The following OR8G1 variants were observed in gnomAD, a reference collection of about 807,000 sequenced individuals.
The protein encoded by OR8G1 is olfactory receptor family 8 subfamily G member 1.
For synonymous variants in OR8G1, 129 were observed against 133.3 expected, an observed-to-expected ratio of 0.97 and a Z score of 0.22; for missense variants, 372 against 356.2, an observed-to-expected ratio of 1.04 and a Z score of -0.36.
intron 1 of OR8G1, among the ~76,000 whole-genome samples, chr11:124,243,111 G>C (rs1861775644): frequency 6.6e-6 from 1 of 151,940 alleles, no homozygotes; most frequent in African/African-American, 2.4e-5. Context: ...AAAAAGTAGA[G>C]AAAAATGCTT....
In OR8G1 at chr11:124,250,333, T is replaced by G; in HGVS notation, c.658T>G (p.Phe220Val). Reference protein sequence around the residue: ...PSLTILCSYIFIIASILHIRS... With the variant: ...PSLTILCSYIVIIASILHIRS... ...CCTGACCATCCTTTGCTCTTACATC[T>G]TTATTATTGCCAGCATCCTCCACAT... Residue 220 changes from phenylalanine (F) to valine (V), a missense_variant, in exon 3 of 3, where the codon TTT (phenylalanine) becomes GTT (valine). Physicochemically the swap from Phe to Val is conservative, Grantham distance 50. Transcript: ENST00000641972. 6.2e-7 allele frequency: 1 copy of G among 1,613,816 alleles called. No individual in the cohort carries two copies. Among genetic ancestry groups the G allele is most frequent in the Non-Finnish European group, 8.5e-7 (1 of 1,179,808 alleles).
rs1861854569 is a variant in OR8G1, at chr11:124,250,238, C to T, written c.563C>T (p.Ser188Phe). 1.2e-6 allele frequency: 2 copies of T among 1,613,732 alleles called. No individual in the cohort carries two copies. Among genetic ancestry groups the T allele is most frequent in the Non-Finnish European group, 1.7e-6 (2 of 1,179,804 alleles). ...FCDLLPLLKL[S>F]CSSIYVNKLL... ...GATCTTCTTCCCCTCCTAAAGCTCT[C>T]TTGCTCTAGTATCTATGTCAACAAA... The change falls in exon 3 of 3, where the codon TCT (serine) becomes TTT (phenylalanine). Residue 188 changes from serine to phenylalanine, a missense_variant. Ser to Phe is a radical substitution (Grantham distance 155). Transcript: ENST00000641972.
At chr11:124,247,110 G>A (rs1427991813) in intron 1 of OR8G1, among the ~76,000 whole-genome samples, 4 of 151,486 alleles carry the variant, frequency 2.6e-5, no homozygotes, top group Non-Finnish European at 5.9e-5. Flanking sequence ...ACTTCAAGAG[G>A]TTAGGGAAAA....
At chr11:124,243,946 AAAAG>A (rs1386019274) in intron 1 of OR8G1, among the ~76,000 whole-genome samples, 3 of 146,472 alleles carry the variant, frequency 2.0e-5, no homozygotes, top group African/African-American at 5.5e-5. Flanking sequence ...AAAAAATAAC[AAAAG>A]AAAGAGCTAG....
Position 124,250,181 on chromosome 11 carries a change from G to A in OR8G1, c.506G>A (p.Cys169Tyr), listed in dbSNP as rs1461587493. The change falls in exon 3 of 3, where the codon TGC (cysteine) becomes TAC (tyrosine). Residue 169 changes from cysteine (C) to tyrosine (Y), a missense_variant. Physicochemically the swap from Cys to Tyr is radical, Grantham distance 194. Coordinates refer to ENST00000641972, the MANE Select transcript of OR8G1 (RefSeq NM_001002905.2). The stretch of plus-strand genomic sequence containing the variant: ...GGCTGTATGTTTAGGGTTCAATTCT[G>A]CAAATTTGATTTGATTAACCATTAT... The part of the protein sequence containing the change: ...HTGCMFRVQF[C>Y]KFDLINHYFC... The A allele has an allele frequency of 1.2e-6, 2 of 1,613,712 alleles. No individual in the cohort carries two copies. The highest frequency in any genetic ancestry group is 1.7e-6 in the Non-Finnish European group (2 of 1,179,804).
Position 124,250,540 on chromosome 11 carries a change from A to AC in OR8G1, c.865_866insC (p.Ile289ThrfsTer3). On this transcript the variant is annotated frameshift_variant, in exon 3 of 3. Coordinates refer to ENST00000641972, the MANE Select transcript of OR8G1 (RefSeq NM_001002905.2). LOFTEE classifies it low-confidence loss of function (END_TRUNC). ...TATTGTGCCCATGTTGAACCCTCTG[A>AC]TTTATAGCCTGAGGAATAAAGATGT... The AC allele has an allele frequency of 8.5e-7, 1 of 1,181,402 alleles. No homozygotes were observed. 73.2% of individuals were successfully genotyped at this position (1,181,402 alleles called of 1,614,324 possible). A position where few individuals can be genotyped will look rare whatever the true frequency, so the allele number is the denominator to read the frequency against.
chr11:124,245,464 G>A (rs1187277679), intron 1 of OR8G1, among the ~76,000 whole-genome samples: 27 of 144,752 alleles, frequency 1.9e-4, no homozygotes, highest in Non-Finnish European at 3.0e-4. Context: ...GAATAGTGCC[G>A]CAATAAACAT....
In OR8G1 at chr11:124,252,511, G is replaced by C. The variant is rs1454027918; in HGVS notation, c.*1900G>C. The C allele has an allele frequency of 6.6e-6, 1 of 151,884 alleles. No homozygotes were observed. Among genetic ancestry groups the C allele is most frequent in the Non-Finnish European group, 1.5e-5 (1 of 67,980 alleles). The allele number at this position is 151,884 out of a possible 1,614,324, so 9.4% of individuals were successfully genotyped here. A position where few individuals can be genotyped will look rare whatever the true frequency, so the allele number is the denominator to read the frequency against. ...GAAAAACTATCTCTTTTTCTTCTTA[G>C]CTTGCATTGCTTGTGGTAATTTTAT... On this transcript the variant is annotated 3_prime_UTR_variant, in exon 3 of 3. Transcript: ENST00000641972.
intron 1 of OR8G1, among the ~76,000 whole-genome samples, chr11:124,242,884 C>G (rs1861773614): frequency 6.6e-6 from 1 of 151,852 alleles, no homozygotes; most frequent in African/African-American, 2.4e-5. Context: ...CCACATTTTG[C>G]TGGTTGTCAT....
intron 2 of OR8G1, among the ~76,000 whole-genome samples, 156 bp downstream of exon 2, chr11:124,248,036 T>G (rs1219833094): frequency 3.3e-5 from 5 of 151,916 alleles, no homozygotes; most frequent in African/African-American, 9.7e-5. Context: ...ATTGTTGGAG[T>G]TGTTTCATTT....
intron 2 of OR8G1, among the ~76,000 whole-genome samples, chr11:124,249,141 T>C (rs1460954434): frequency 6.6e-6 from 1 of 152,138 alleles, no homozygotes; most frequent in African/African-American, 2.4e-5. Context: ...ACAATTATTG[T>C]TATAGAGATT....
At chr11:124,245,664 C>T (rs1861804341) in intron 1 of OR8G1, among the ~76,000 whole-genome samples, 1 of 141,966 alleles carries the variant, frequency 7.0e-6, no homozygotes, top group Non-Finnish European at 1.5e-5. Context: ...TCCACATCCT[C>T]TCCAGCACCT....
In OR8G1 at chr11:124,250,121, A is replaced by C; in HGVS notation, c.446A>C (p.Tyr149Ser). 1 of 1,613,736 alleles carries C rather than the reference A, an allele frequency of 6.2e-7. No individual in the cohort carries two copies. The highest frequency in any genetic ancestry group is 8.5e-7 in the Non-Finnish European group (1 of 1,179,798). ...TGCTTTTCTCTGATTTTAGGGGTGT[A>C]TATAATAGGCCTGGTTTGTGCATCA... is the stretch of plus-strand genomic sequence containing the variant. ...KACFSLILGV[Y>S]IIGLVCASVH... The change falls in exon 3 of 3, where the codon TAT (tyrosine) becomes TCT (serine). Residue 149 changes from tyrosine (Y) to serine (S), a missense_variant. Transcript: ENST00000641972.
At position 124,250,302 on chromosome 11, in the gene OR8G1, C is replaced by T. The variant is rs577807544; in HGVS notation, c.627C>T (p.Val209=). The T allele has an allele frequency of 3.7e-6, 6 of 1,613,752 alleles. No individual in the cohort carries two copies. The Admixed American group carries it at 5.0e-5, about 13-fold the overall frequency. ...ILCVGAFNIL[V]PSLTILCSYI... ...GTGTTGGTGCATTTAACATCCTTGT[C>T]CCCAGCCTGACCATCCTTTGCTCTT... is the stretch of plus-strand genomic sequence containing the variant. The change falls in exon 3 of 3, where the codon GTC becomes GTT. Residue 209 remains valine, a synonymous_variant. Transcript: ENST00000641972.
At chr11:124,248,644 GTTTAA>G (rs1304298215) in intron 2 of OR8G1, among the ~76,000 whole-genome samples, 19 of 151,946 alleles carry the variant, frequency 1.3e-4, no homozygotes, top group Admixed American at 3.3e-4. Context: ...CCTGATCATA[GTTTAA>G]CAGAATAAAT....
Position 124,250,674 on chromosome 11 carries a change from G to T in OR8G1, c.*63G>T. On this transcript the variant is annotated 3_prime_UTR_variant, in exon 3 of 3. Transcript: ENST00000641972. Reference sequence around the variant, plus strand: ...AGTGGACTGTTACATTGTATGAATGGATGTCTTTCACTTTAATGCATCTGT... The same window carrying T: ...AGTGGACTGTTACATTGTATGAATGTATGTCTTTCACTTTAATGCATCTGT... 2.3e-6 allele frequency: 1 copy of T among 426,500 alleles called. No individual in the cohort carries two copies. Among genetic ancestry groups the T allele is most frequent in the Non-Finnish European group, 3.8e-6 (1 of 264,070 alleles). The allele number at this position is 426,500 out of a possible 1,614,324, so 26.4% of individuals were successfully genotyped here.
rs1006564967 is a variant in OR8G1 at position 124,251,912 on chromosome 11, A to G, written c.*1301A>G. The G allele has an allele frequency of 1.3e-5, 2 of 152,546 alleles. No individual in the cohort carries two copies. Among genetic ancestry groups the G allele is most frequent in the African/African-American group, 4.8e-5 (2 of 41,470 alleles). The allele number at this position is 152,546 out of a possible 1,614,324, so 9.4% of individuals were successfully genotyped here. On this transcript the variant is annotated 3_prime_UTR_variant, in exon 3 of 3. Coordinates refer to ENST00000641972, the MANE Select transcript of OR8G1 (RefSeq NM_001002905.2). The stretch of plus-strand genomic sequence containing the variant: ...TGAGGGTGCTACGTGATCAAATACA[A>G]TAAGCTATGTTTCTATAACCAGAAG...
In OR8G1 at chr11:124,252,447, C is replaced by T. The variant is rs1164109313; in HGVS notation, c.*1836C>T. The T allele has an allele frequency of 6.6e-5, 10 of 152,166 alleles. No individual in the cohort carries two copies. The highest frequency in any genetic ancestry group is 1.3e-4 in the Non-Finnish European group (9 of 68,036). 9.4% of individuals were successfully genotyped at this position (152,166 alleles called of 1,614,324 possible). On this transcript the variant is annotated 3_prime_UTR_variant, in exon 3 of 3. Transcript: ENST00000641972. ...AGAAAACTCATCTCTGAAACTCAAT[C>T]TGCATTACTTTTCCATATCATCCTT...
chr11:124,244,976 T>C (rs12276326), intron 1 of OR8G1, among the ~76,000 whole-genome samples: 77,481 of 151,594 alleles, frequency 0.51, 20,444 homozygotes, highest in South Asian at 0.7. Context: ...AAATTATGAA[T>C]AGGAAAACTT....
Sources: allele counts gnomAD v4.1 joint callset (sites outside exome capture counted in the v4.1 genomes callset), GRCh38; gene constraint gnomAD v4.1.1; transcripts MANE v1.5; gene names NCBI Gene and HGNC (gene_info 2026-07-23, HGNC 2026-07-21).